The following DOCK2 variants were observed in gnomAD, a reference collection of about 807,000 sequenced individuals.
The protein encoded by DOCK2 is dedicator of cytokinesis 2.
In DOCK2, 87 loss-of-function variants were observed where a neutral mutation model predicts 248.9. The observed-to-expected ratio is 0.35, with a 90% CI of 0.29 to 0.42. The LOEUF is 0.42. Among genes scored for constraint, DOCK2 ranks in the 10% least tolerant of loss-of-function variants. The probability of loss-of-function intolerance (pLI) is 1.00; values close to 1 mark genes in which losing one functional copy is unlikely to be tolerated. For synonymous variants in DOCK2, 805 were observed against 821.6 expected (o/e 0.98, Z 0.35); for missense variants, 1,747 against 2,300.2 (o/e 0.76, Z 4.92).
chr5:169,681,157 T>C (rs1337572636), intron 6 of DOCK2, among the ~76,000 whole-genome samples: 2 of 134,318 alleles, frequency 1.5e-5, no homozygotes, highest in Non-Finnish European at 3.1e-5. Flanking sequence ...GGAGTCTCGC[T>C]CTGTCACCGA....
At chr5:169,863,913 A>G (rs1771366042) in intron 27 of DOCK2, among the ~76,000 whole-genome samples, 1 of 152,038 alleles carries the variant, frequency 6.6e-6, no homozygotes, top group Non-Finnish European at 1.5e-5. Flanking sequence ...TGAACCCAGG[A>G]TGGGAAGGAA....
At chr5:169,742,541 G>T (rs1763372961) in intron 22 of DOCK2, among the ~76,000 whole-genome samples, 1 of 152,192 alleles carries the variant, frequency 6.6e-6, no homozygotes, top group Non-Finnish European at 1.5e-5. Flanking sequence ...GGAAGTGACT[G>T]AGGTACAGAA....
At chr5:170,011,612 G>A (rs939527500) in intron 32 of DOCK2, among the ~76,000 whole-genome samples, 3 of 152,178 alleles carry the variant, frequency 2.0e-5, no homozygotes, top group East Asian at 1.9e-4. Flanking sequence ...CAGTGTTTTA[G>A]GATTGCAATG....
intron 25 of DOCK2, among the ~76,000 whole-genome samples, chr5:169,783,351 A>G (rs980598548): frequency 2.0e-5 from 3 of 152,198 alleles, no homozygotes; most frequent in African/African-American, 7.2e-5. Flanking sequence ...GAGCCATTTC[A>G]GGGTTTTCCA....
chr5:169,721,373 C>G (rs1162402752), intron 22 of DOCK2, among the ~76,000 whole-genome samples: 2 of 152,166 alleles, frequency 1.3e-5, no homozygotes, highest in Non-Finnish European at 2.9e-5. Context: ...GGACCTCATG[C>G]TAGGAGAAGG....
Position 170,083,099 on chromosome 5 carries a change from A to G in DOCK2, c.*241A>G, listed in dbSNP as rs1758091322. 1 of 520,936 alleles carries G rather than the reference A, an allele frequency of 1.9e-6. No individual in the cohort carries two copies. Among genetic ancestry groups the G allele is most frequent in the African/African-American group, 1.9e-5 (1 of 52,612 alleles). 32.3% of individuals were successfully genotyped at this position (520,936 alleles called of 1,614,324 possible). On this transcript the variant is annotated 3_prime_UTR_variant, in exon 52 of 52. Transcript: ENST00000520908. ...CAACGTAGATTCCTGAACTCAAGGT[A>G]CCAGCAAGAATGCCTTCTCCCAGTG... is the stretch of plus-strand genomic sequence containing the variant.
In DOCK2 at chr5:169,720,174, C is replaced by T. The variant is rs79348800; in HGVS notation, c.2267+1383C>T. On this transcript the variant is annotated intron_variant, in intron 22 of 51. Coordinates refer to ENST00000520908, the MANE Select transcript of DOCK2 (RefSeq NM_004946.3). ...GCTTGTCATTTAGTCAAGTCTGAGT[C>T]GGGTATTCTAGGTTTGAGAGATACT... Among the ~76,000 whole-genome samples the T allele has an allele frequency of 4.7e-3, 717 of 152,218 alleles. 6 individuals carry two copies. The highest frequency in any genetic ancestry group is 0.016 in the African/African-American group (681 of 41,518).
At chr5:169,824,078 C>G (rs1424048206) in intron 26 of DOCK2, among the ~76,000 whole-genome samples, 1 of 152,070 alleles carries the variant, frequency 6.6e-6, no homozygotes, top group Non-Finnish European at 1.5e-5. Flanking sequence ...TGTGAAGGAC[C>G]TCTTCAAGGA....
intron 14 of DOCK2, among the ~76,000 whole-genome samples, chr5:169,707,783 G>T (rs1327846561): frequency 6.6e-6 from 1 of 152,186 alleles, no homozygotes; most frequent in Non-Finnish European, 1.5e-5. Context: ...TTGCTGCTTG[G>T]CTGATCTGAG....
chr5:170,032,088 G>A (rs985195318), intron 34 of DOCK2, among the ~76,000 whole-genome samples: 43 of 150,900 alleles, frequency 2.8e-4, no homozygotes, highest in East Asian at 7.8e-4. Context: ...GTGCAGTGGC[G>A]CGATCTCGGC....
intron 38 of DOCK2, among the ~76,000 whole-genome samples, chr5:170,045,567 G>A (rs1756677467): frequency 6.6e-6 from 1 of 152,156 alleles, no homozygotes; most frequent in Admixed American, 6.5e-5. Context: ...AAGAATCAGA[G>A]CACGTAAATA....
intron 27 of DOCK2, among the ~76,000 whole-genome samples, chr5:169,896,186 G>C (rs945444417): frequency 1.3e-5 from 2 of 152,096 alleles, no homozygotes; most frequent in African/African-American, 4.8e-5. Context: ...GTCGGGGGGC[G>C]GGGAGGCAGT....
chr5:170,069,187 G>A lies in DOCK2; in HGVS notation c.4695G>A (p.Lys1565=), dbSNP rs1487188693. 18 of 1,614,040 alleles carry A rather than the reference G, an allele frequency of 1.1e-5. No individual in the cohort carries two copies. Among genetic ancestry groups the A allele is most frequent in the Non-Finnish European group, 1.5e-5 (18 of 1,180,000 alleles). The stretch of plus-strand genomic sequence containing the variant: ...GGGACCACCCTGAGGACCAGGACAA[G>A]CTGACCCACCTCAAGGACCTGATTG... The part of the protein sequence containing the change: ...YVRDHPEDQD[K]LTHLKDLIAW... Residue 1565 remains lysine (K), a synonymous_variant, in exon 46 of 52, where the codon AAG becomes AAA. Transcript: ENST00000520908.
intron 25 of DOCK2, among the ~76,000 whole-genome samples, chr5:169,784,701 T>C (rs1765892334): frequency 6.6e-6 from 1 of 152,252 alleles, no homozygotes; most frequent in African/African-American, 2.4e-5. Flanking sequence ...GGCTCAAGCT[T>C]CTCTTAGTAT....
intron 27 of DOCK2, among the ~76,000 whole-genome samples, chr5:169,969,604 G>A (rs1409523860): frequency 1.3e-5 from 2 of 152,238 alleles, no homozygotes; most frequent in African/African-American, 4.8e-5. Flanking sequence ...ATGCCATTCT[G>A]CGGAGGCATT....
intron 35 of DOCK2, among the ~76,000 whole-genome samples, chr5:170,035,150 C>T (rs1360927121): frequency 6.6e-6 from 1 of 152,208 alleles, no homozygotes; most frequent in East Asian, 1.9e-4. Context: ...CATGAGCTCC[C>T]ATGGGCTGGC....
At chr5:169,713,237 G>T (rs1371642359) in intron 17 of DOCK2, among the ~76,000 whole-genome samples, 1 of 152,216 alleles carries the variant, frequency 6.6e-6, no homozygotes, top group African/African-American at 2.4e-5. Context: ...AGGCCTAGTT[G>T]CAGTCAATTT....
chr5:169,842,733 A>G (rs1300823334), intron 27 of DOCK2, among the ~76,000 whole-genome samples: 2 of 152,164 alleles, frequency 1.3e-5, no homozygotes, highest in East Asian at 3.8e-4. Flanking sequence ...ATTCTTTTAA[A>G]TGGGGCCTGT....
intron 44 of DOCK2, among the ~76,000 whole-genome samples, chr5:170,065,467 C>A (rs1411710265): frequency 6.9e-6 from 1 of 145,722 alleles, no homozygotes; most frequent in East Asian, 1.9e-4. Context: ...AGTGACTGAA[C>A]AACAACAACA....
Sources: gnomAD v4.1 joint callset for allele counts (sites outside exome capture counted in the v4.1 genomes callset) on GRCh38, gnomAD v4.1.1 for gene constraint, MANE v1.5 for transcripts, NCBI Gene and HGNC (gene_info 2026-07-23, HGNC 2026-07-21) for gene names.